Variants in PARP10 observed in about 807,000 individuals in gnomAD.
PARP10 encodes the protein protein mono-ADP-ribosyltransferase PARP10.
Under a neutral mutation model 82.4 loss-of-function variants are expected in PARP10, and 56 were observed. The ratio of observed to expected loss-of-function variants is 0.68; its 90% CI spans 0.55 to 0.85. PARP10 has a LOEUF of 0.85. Ranked by LOEUF, PARP10 falls within the 40% of genes least tolerant of loss-of-function variation. The probability of loss-of-function intolerance (pLI) is 0.00; values close to 1 mark genes in which losing one functional copy is unlikely to be tolerated. For missense variants in PARP10, 1,227 were observed against 1,379.4 expected (o/e 0.89, Z 1.75); for synonymous variants, 576 against 601.1 (o/e 0.96, Z 0.61).
intron 1 of PARP10, among the ~76,000 whole-genome samples, chr8:144,009,727 A>G (rs1224685821): frequency 2.0e-5 from 3 of 152,108 alleles, no homozygotes; most frequent in African/African-American, 4.8e-5. Flanking sequence ...TTTCCTTCCA[A>G]TTGGGTTGGT....
rs782806863 is a variant in PARP10, at chr8:143,983,418, C to G, written c.2171G>C (p.Arg724Pro). 2 of 1,604,358 alleles carry G rather than the reference C, an allele frequency of 1.2e-6. No homozygotes were observed. Among genetic ancestry groups the G allele is most frequent in the Admixed American group, 3.3e-5 (2 of 59,928 alleles). ...GACCTCCAAGGCAGCCCTGAGCGCC[C>G]GGTCCAGCTCCTCCACATCCTGCTC... ...AFEQDVEELDRALRAALEVHV... is the reference protein window; with the variant it reads ...AFEQDVEELDPALRAALEVHV... The change falls in exon 8 of 11, where the codon CGG (arginine) becomes CCG (proline). Residue 724 changes from arginine (R) to proline (P), a missense_variant. Arg to Pro is a moderately radical substitution (Grantham distance 103). Transcript: ENST00000313028.
intron 1 of PARP10, among the ~76,000 whole-genome samples, chr8:144,003,695 A>G (rs1336474920): frequency 6.6e-6 from 1 of 152,050 alleles, no homozygotes; most frequent in Non-Finnish European, 1.5e-5. Context: ...ACAGAGTTCT[A>G]GAAAGGAGGC....
rs782357845 is a variant in PARP10 at position 143,977,953 on chromosome 8, A to T, written c.2685T>A (p.Pro895=). ...GGTTGAAGCCGTGGGCGCAGATGTC[A>T]GGCACTGCCGGTGCCGTCGTGCCGT... ...LYHGTTAPAV[P]DICAHGFNRS... is the part of the protein sequence containing the mutation. The change falls in exon 10 of 11, where the codon CCT becomes CCA. Residue 895 remains proline (P), a synonymous_variant. Transcript: ENST00000313028. 6.2e-7 allele frequency: 1 copy of T among 1,600,510 alleles called. No homozygotes were observed. Among genetic ancestry groups the T allele is most frequent in the Admixed American group, 1.7e-5 (1 of 59,944 alleles).
At chr8:143,980,438 C>T (rs1407599209) in intron 9 of PARP10, among the ~76,000 whole-genome samples, 4 of 147,996 alleles carry the variant, frequency 2.7e-5, no homozygotes, top group African/African-American at 9.9e-5. Context: ...GGCAGAATCA[C>T]TTGAACCCAA....
chr8:144,002,531 T>C (rs1834209400), intron 1 of PARP10, among the ~76,000 whole-genome samples: 1 of 151,672 alleles, frequency 6.6e-6, no homozygotes, highest in Non-Finnish European at 1.5e-5. Flanking sequence ...GGACATATTA[T>C]AAAACAATAA....
At chr8:143,990,261 CCCG>C (rs1436703198), upstream of PARP10, 2 of 149,046 alleles carry the variant, frequency 1.3e-5, no homozygotes, top group Non-Finnish European at 3.0e-5. This position sits in a 1 kb window ranked among gnomAD's most constrained non-coding sequence, Gnocchi z 5.6. Flanking sequence ...GCCTGCCGCC[CCCG>C]CCCCCGCCCC....
chr8:143,982,747 T>C (rs1305336442), intron 9 of PARP10, among the ~76,000 whole-genome samples, 185 bp downstream of exon 9: 1 of 152,162 alleles, frequency 6.6e-6, no homozygotes, highest in Non-Finnish European at 1.5e-5. Context: ...CCCCACTCTG[T>C]TCCCTCCTGT....
intron 1 of PARP10, among the ~76,000 whole-genome samples, chr8:144,000,426 G>A (rs1325597739): frequency 6.6e-6 from 1 of 152,168 alleles, no homozygotes; most frequent in Non-Finnish European, 1.5e-5. Context: ...GCACCTGAGG[G>A]AGCAAGGCCC....
Position 143,983,073 on chromosome 8 carries a change from A to AT in PARP10, c.2423-9dup, listed in dbSNP as rs1293680953. On this transcript the variant is annotated splice_polypyrimidine_tract_variant and intron_variant, in intron 8 of 10. Coordinates refer to ENST00000313028, the MANE Select transcript of PARP10 (RefSeq NM_032789.5). ...TCAGCGTCTGCCCCGCCACTGATGC[A>AT]TGGGGAAAAGCGGGGGGTCAGAGCC... The AT allele has an allele frequency of 1.2e-5, 20 of 1,613,878 alleles. No individual in the cohort carries two copies. The highest frequency in any genetic ancestry group is 1.7e-5 in the Non-Finnish European group (20 of 1,179,986).
Position 143,984,769 on chromosome 8 carries a change from C to G in PARP10, c.1233G>C (p.Glu411Asp), listed in dbSNP as rs975261127. Residue 411 changes from glutamate (E) to aspartate (D), a missense_variant, in exon 5 of 11, where the codon GAG becomes GAC. By Grantham distance (45) the Glu-to-Asp change is conservative (BLOSUM62 2). Coordinates refer to ENST00000313028, the MANE Select transcript of PARP10 (RefSeq NM_032789.5). ...VEIAMDSPEQEGLVGPMEITM... is the reference protein window; with the variant it reads ...VEIAMDSPEQDGLVGPMEITM... ...TGATCTCCATGGGACCCACCAGCCC[C>G]TCTTGCTCTGGTGAGTCCATGGCAA... 5 of 1,613,852 alleles carry G rather than the reference C, an allele frequency of 3.1e-6. No homozygotes were observed. Among genetic ancestry groups the G allele is most frequent in the Non-Finnish European group, 4.2e-6 (5 of 1,179,914 alleles).
At chr8:144,002,432 G>T (rs1834208854) in intron 1 of PARP10, among the ~76,000 whole-genome samples, 1 of 152,126 alleles carries the variant, frequency 6.6e-6, no homozygotes, top group South Asian at 2.1e-4. Flanking sequence ...TTCTAAAATT[G>T]ACATAGAAGA....
In PARP10 at chr8:143,983,784, A is replaced by G. The variant is rs782701857; in HGVS notation, c.1805T>C (p.Leu602Pro). ...LEEVRELLAT[L>P]EGLDLDGEDW... ...CTCCCCGTCTAGGTCTAGGCCCTCC[A>G]GGGTGGCCAGCAGTTCTCGGACCTC... The change falls in exon 8 of 11, where the codon CTG becomes CCG. Residue 602 changes from leucine to proline, a missense_variant. Leu to Pro is a moderately conservative substitution (Grantham distance 98). Transcript: ENST00000313028. The G allele has an allele frequency of 5.2e-5, 84 of 1,600,098 alleles. No individual in the cohort carries two copies. Among genetic ancestry groups the G allele is most frequent in the Non-Finnish European group, 6.9e-5 (81 of 1,171,142 alleles).
Position 143,984,646 on chromosome 8 carries a change from T to C in PARP10, c.1356A>G (p.Pro452=), listed in dbSNP as rs1400530620. ...AGAGCTGCAGGAAGCGCATCGCCCCTGGCTCCATCAATAGCACCATCTCCA... is the reference window on the plus strand; with the variant it reads ...AGAGCTGCAGGAAGCGCATCGCCCCCGGCTCCATCAATAGCACCATCTCCA... ...GLVEMVLLME[P]GAMRFLQLYH... The change falls in exon 5 of 11, where the codon CCA becomes CCG. Residue 452 remains proline, a synonymous_variant. Coordinates refer to ENST00000313028, the MANE Select transcript of PARP10 (RefSeq NM_032789.5). 6.2e-7 allele frequency: 1 copy of C among 1,613,950 alleles called. No homozygotes were observed. The highest frequency in any genetic ancestry group is 8.5e-7 in the Non-Finnish European group (1 of 1,179,994).
At chr8:144,001,472 C>T (rs369988405) in intron 1 of PARP10, among the ~76,000 whole-genome samples, 1 of 152,070 alleles carries the variant, frequency 6.6e-6, no homozygotes, top group Non-Finnish European at 1.5e-5. Context: ...TTTGGGAGGC[C>T]GAGGCAGGCG....
In PARP10 at chr8:143,977,581, G is replaced by A. The variant is rs1554746498; in HGVS notation, c.2981C>T (p.Thr994Ile). ...QPSIFVIFHD[T>I]QALPTHLITC... ...GATGAGGTGGGTGGGCAGCGCCTGG[G>A]TGTCGTGGAAGATGACGAAGATGCT... The change falls in exon 11 of 11, where the codon ACC (threonine) becomes ATC (isoleucine). Residue 994 changes from threonine (T) to isoleucine (I), a missense_variant. Physicochemically the swap from Thr to Ile is moderately conservative, Grantham distance 89. Coordinates refer to ENST00000313028, the MANE Select transcript of PARP10 (RefSeq NM_032789.5). 6.3e-7 allele frequency: 1 copy of A among 1,577,958 alleles called. No homozygotes were observed.
intron 1 of PARP10, among the ~76,000 whole-genome samples, chr8:144,007,932 T>TCACG (rs1554752188): frequency 6.6e-6 from 1 of 152,186 alleles, no homozygotes; most frequent in Non-Finnish European, 1.5e-5. Context: ...GTGCCTGGTA[T>TCACG]ACAATAAGCG....
chr8:143,991,625 T>C, upstream of PARP10: 1 of 1,585,124 alleles, frequency 6.3e-7, no homozygotes, highest in Non-Finnish European at 8.6e-7. Flanking sequence ...AAGGGAGGGG[T>C]GGGGTGGCCG....
At chr8:143,996,358 A>G (rs577854321) in intron 1 of PARP10, among the ~76,000 whole-genome samples, 1 of 152,338 alleles carries the variant, frequency 6.6e-6, no homozygotes, top group African/African-American at 2.4e-5. Context: ...CCAAGTCTCC[A>G]CCCCATTCCC....
rs781986738 is a variant in PARP10 at position 143,983,579 on chromosome 8, C to G, written c.2010G>C (p.Val670=). 5.6e-6 allele frequency: 9 copies of G among 1,606,336 alleles called. No homozygotes were observed. Among genetic ancestry groups the G allele is most frequent in the Non-Finnish European group, 7.6e-6 (9 of 1,176,510 alleles). ...GGGCAGCAGCCTCCTCCTGCTCAGC[C>G]ACCTGACCTTGAGGCTCCAGTGACC... ...LHRSLEPQGQ[V]AEQEEAAALR... is the part of the protein sequence containing the mutation. Residue 670 remains valine, a synonymous_variant, in exon 8 of 11, where the codon GTG becomes GTC. Coordinates refer to ENST00000313028, the MANE Select transcript of PARP10 (RefSeq NM_032789.5).
Sources: gnomAD v4.1 joint callset for allele counts (sites outside exome capture counted in the v4.1 genomes callset) on GRCh38, gnomAD v4.1.1 for gene constraint, Gnocchi (gnomAD v3.1) non-coding constraint, MANE v1.5 for transcripts, NCBI Gene and HGNC (gene_info 2026-07-23, HGNC 2026-07-21) for gene names.